FAM171B: variants seen among roughly 807,000 people sequenced by gnomAD.
FAM171B encodes the protein family with sequence similarity 171 member B, also known as protein FAM171B.
A neutral mutation model predicts 75.6 loss-of-function variants in FAM171B; 19 were observed. That is an observed-to-expected ratio of 0.25 (90% confidence interval 0.18 to 0.37). The LOEUF (loss-of-function observed/expected upper bound fraction) is 0.37. Among genes scored for constraint, FAM171B ranks in the 10% least tolerant of loss-of-function variants. FAM171B has a pLI of 1.00. For missense variants in FAM171B, 848 were observed against 982.4 expected, an observed-to-expected ratio of 0.86 and a Z score of 1.83; for synonymous variants, 367 against 361.7, an observed-to-expected ratio of 1.01 and a Z score of -0.17.
chr2:186,726,354 T>C (rs924299474), intron 1 of FAM171B, among the ~76,000 whole-genome samples: 5 of 152,158 alleles, frequency 3.3e-5, no homozygotes, highest in African/African-American at 1.2e-4. Flanking sequence ...AAAAGGAGGC[T>C]TTTCTATTTT....
At chr2:186,711,427 A>C (rs574595712) in intron 1 of FAM171B, among the ~76,000 whole-genome samples, 107 of 152,236 alleles carry the variant, frequency 7.0e-4, no homozygotes, top group African/African-American at 2.5e-3. Flanking sequence ...TCATCCTTCC[A>C]TATTTGATGA....
chr2:186,722,454 A>G (rs980213948), intron 1 of FAM171B, among the ~76,000 whole-genome samples: 2 of 152,214 alleles, frequency 1.3e-5, no homozygotes, highest in Non-Finnish European at 2.9e-5. Flanking sequence ...ACTAGATTCA[A>G]GGCACTGTGC....
At chr2:186,709,281 A>C (rs1356353381) in intron 1 of FAM171B, among the ~76,000 whole-genome samples, 1 of 152,148 alleles carries the variant, frequency 6.6e-6, no homozygotes, top group African/African-American at 2.4e-5. Flanking sequence ...AGGGACATAC[A>C]TCCAAACTTC....
intron 1 of FAM171B, among the ~76,000 whole-genome samples, chr2:186,732,433 T>C (rs549146070): frequency 3.9e-5 from 6 of 152,314 alleles, no homozygotes; most frequent in African/African-American, 1.4e-4. Flanking sequence ...TCCACATGGG[T>C]CTGCAGCCAC....
intron 1 of FAM171B, among the ~76,000 whole-genome samples, chr2:186,700,696 C>T (rs1689647409): frequency 6.6e-6 from 1 of 152,084 alleles, no homozygotes. Context: ...CTGCTATATT[C>T]TTATACAAAT....
intron 1 of FAM171B, among the ~76,000 whole-genome samples, chr2:186,726,321 T>C (rs977495196): frequency 7.2e-5 from 11 of 152,170 alleles, no homozygotes; most frequent in Non-Finnish European, 1.3e-4. Context: ...AGAGTTTGGA[T>C]CCAATCTGGG....
chr2:186,760,250 T>A (rs1574115257), intron 6 of FAM171B, among the ~76,000 whole-genome samples: 1 of 152,136 alleles, frequency 6.6e-6, no homozygotes, highest in South Asian at 2.1e-4. Context: ...TATGTTCTCA[T>A]AGCAGGAGGA....
Position 186,761,575 on chromosome 2 carries a change from T to C in FAM171B, c.1233T>C (p.His411=), listed in dbSNP as rs768983652. Residue 411 remains histidine (H), a synonymous_variant, in exon 8 of 8, where the codon CAT becomes CAC. Coordinates refer to ENST00000304698, the MANE Select transcript of FAM171B (RefSeq NM_177454.4). ...DQTTSTTHIN[H]ISTVKVALKA... is the part of the protein sequence containing the mutation. ...CAACTTCAACAACACACATAAATCA[T>C]ATCAGTACAGTTAAAGTTGCATTAA... is the stretch of plus-strand genomic sequence containing the variant. The C allele has an allele frequency of 6.2e-7, 1 of 1,612,858 alleles. No homozygotes were observed. The highest frequency in any genetic ancestry group is 8.5e-7 in the Non-Finnish European group (1 of 1,179,480).
intron 1 of FAM171B, among the ~76,000 whole-genome samples, chr2:186,733,287 C>T (rs1690146817): frequency 6.6e-6 from 1 of 152,226 alleles, no homozygotes; most frequent in Non-Finnish European, 1.5e-5. Context: ...ATGGGTTCTT[C>T]TTGCCTACTT....
At chr2:186,720,821 A>T (rs1689944206) in intron 1 of FAM171B, among the ~76,000 whole-genome samples, 1 of 152,138 alleles carries the variant, frequency 6.6e-6, no homozygotes, top group African/African-American at 2.4e-5. Context: ...CACAGAAATA[A>T]ATGAGCAGAA....
rs1258663966 is a variant in FAM171B, at chr2:186,765,615, T to C, written c.*2792T>C. 1 of 152,058 alleles carries C rather than the reference T, an allele frequency of 6.6e-6. No homozygotes were observed. The highest frequency in any genetic ancestry group is 1.5e-5 in the Non-Finnish European group (1 of 67,960). 9.4% of individuals were successfully genotyped at this position (152,058 alleles called of 1,614,324 possible). ...AATCCTCTGGTATCAATACGTATTATAGGGTTTTAGAGATCTGTGGGTCAA... is the reference window on the plus strand; with the variant it reads ...AATCCTCTGGTATCAATACGTATTACAGGGTTTTAGAGATCTGTGGGTCAA... On this transcript the variant is annotated 3_prime_UTR_variant, in exon 8 of 8. Coordinates refer to ENST00000304698, the MANE Select transcript of FAM171B (RefSeq NM_177454.4).
At chr2:186,733,099 C>G (rs538545656) in intron 1 of FAM171B, among the ~76,000 whole-genome samples, 2 of 152,154 alleles carry the variant, frequency 1.3e-5, no homozygotes, top group African/African-American at 4.8e-5. Flanking sequence ...TGTAACAGTG[C>G]GTGTATTTGA....
In FAM171B at chr2:186,761,607, A is replaced by G; in HGVS notation, c.1265A>G (p.Glu422Gly). Reference sequence around the variant, plus strand: ...ACAGTTAAAGTTGCATTAAAAGCTGAGGACAAGTCGCAGTTATTCAATGCC... The same window carrying G: ...ACAGTTAAAGTTGCATTAAAAGCTGGGGACAAGTCGCAGTTATTCAATGCC... ...ISTVKVALKA[E>G]DKSQLFNAKN... Residue 422 changes from glutamate (E) to glycine (G), a missense_variant, in exon 8 of 8, where the codon GAG becomes GGG. By Grantham distance (98) the Glu-to-Gly change is moderately conservative. Coordinates refer to ENST00000304698, the MANE Select transcript of FAM171B (RefSeq NM_177454.4). 1 of 1,613,502 alleles carries G rather than the reference A, an allele frequency of 6.2e-7. No individual in the cohort carries two copies. Among genetic ancestry groups the G allele is most frequent in the Non-Finnish European group, 8.5e-7 (1 of 1,179,682 alleles).
chr2:186,727,073 C>G (rs1690044981), intron 1 of FAM171B, among the ~76,000 whole-genome samples: 2 of 152,070 alleles, frequency 1.3e-5, no homozygotes, highest in Non-Finnish European at 2.9e-5. Context: ...CTCTCTCCCC[C>G]CACCCCCTTC....
At chr2:186,694,786 CA>C (rs1559078588) in intron 1 of FAM171B, among the ~76,000 whole-genome samples, 1,549 of 139,890 alleles carry the variant, frequency 0.011, 20 homozygotes, top group African/African-American at 0.036. Flanking sequence ...CACACACACA[CA>C]CACACACCGT....
intron 4 of FAM171B, among the ~76,000 whole-genome samples, chr2:186,747,819 T>C (rs1261195167): frequency 6.6e-6 from 1 of 152,218 alleles, no homozygotes; most frequent in Non-Finnish European, 1.5e-5. Context: ...AAGGCTGTCA[T>C]AATATAAAAG....
intron 1 of FAM171B, among the ~76,000 whole-genome samples, chr2:186,702,793 C>T (rs1689682198): frequency 6.6e-6 from 1 of 151,898 alleles, no homozygotes; most frequent in African/African-American, 2.4e-5. Context: ...ACTCTTCAAA[C>T]CTTGAGTTAA....
chr2:186,762,473 A>G lies in FAM171B; in HGVS notation c.2131A>G (p.Met711Val), dbSNP rs777684746. The change falls in exon 8 of 8, where the codon ATG (methionine) becomes GTG (valine). Residue 711 changes from methionine (M) to valine (V), a missense_variant. By Grantham distance (21) the Met-to-Val change is conservative. Transcript: ENST00000304698. The surrounding 1 kb of genome is among the most constrained non-coding windows in gnomAD (Gnocchi z 4.0). Reference sequence around the variant, plus strand: ...CACCAGTCTGGACTCTGGGGTGGACATGAATGAGCTTCACTCAAGTAGAAA... The same window carrying G: ...CACCAGTCTGGACTCTGGGGTGGACGTGAATGAGCTTCACTCAAGTAGAAA... The part of the protein sequence containing the change: ...NDTSLDSGVD[M>V]NELHSSRKLE... 10 of 1,613,516 alleles carry G rather than the reference A, an allele frequency of 6.2e-6. No individual in the cohort carries two copies. The African/African-American group carries it at 6.7e-5, about 11-fold the overall frequency.
In FAM171B at chr2:186,762,970, C is replaced by A; in HGVS notation, c.*147C>A. The A allele has an allele frequency of 2.1e-6, 2 of 951,904 alleles. No individual in the cohort carries two copies. Among genetic ancestry groups the A allele is most frequent in the Admixed American group, 3.0e-5 (1 of 32,978 alleles). The allele number at this position is 951,904 out of a possible 1,614,324, so 59.0% of individuals were successfully genotyped here. A position where few individuals can be genotyped will look rare whatever the true frequency, so the allele number is the denominator to read the frequency against. ...GCAGAGTAAATGGTAATTCAGTAAT[C>A]AGAGAGAAAGATACCAAGGAATGCT... On this transcript the variant is annotated 3_prime_UTR_variant, in exon 8 of 8. Coordinates refer to ENST00000304698, the MANE Select transcript of FAM171B (RefSeq NM_177454.4). The surrounding 1 kb of genome is among the most constrained non-coding windows in gnomAD (Gnocchi z 4.0).
Sources: gnomAD v4.1 joint callset for allele counts (sites outside exome capture counted in the v4.1 genomes callset) on GRCh38, gnomAD v4.1.1 for gene constraint, Gnocchi (gnomAD v3.1) non-coding constraint, MANE v1.5 for transcripts, NCBI Gene and HGNC (gene_info 2026-07-23, HGNC 2026-07-21) for gene names.